ABHD3: variants seen among roughly 807,000 people sequenced by gnomAD.
ABHD3 encodes the protein abhydrolase domain containing 3, phospholipase.
In ABHD3, 46 loss-of-function variants were observed where a neutral mutation model predicts 48.8. The observed-to-expected ratio is 0.94, with a 90% confidence interval of 0.74 to 1.20. The LOEUF is 1.20. ABHD3 is among the 50% of genes most tolerant of loss of function. The pLI is 0.00. For synonymous variants in ABHD3, 192 were observed against 183.7 expected (o/e 1.04, Z -0.36); for missense variants, 490 against 497.8 (o/e 0.98, Z 0.15).
At chr18:21,676,414 CAG>C (rs1302135927) in intron 4 of ABHD3, among the ~76,000 whole-genome samples, 2 of 152,046 alleles carry the variant, frequency 1.3e-5, no homozygotes, top group Non-Finnish European at 2.9e-5. Flanking sequence ...TTTTTTAAGG[CAG>C]AGTCTTGCTC....
chr18:21,692,804 C>G (rs2040281624), intron 3 of ABHD3, among the ~76,000 whole-genome samples: 1 of 152,148 alleles, frequency 6.6e-6, no homozygotes, highest in South Asian at 2.1e-4. Context: ...AGCTGTGTCT[C>G]TTTGGTATTT....
At chr18:21,690,897 A>G (rs1273043531) in intron 3 of ABHD3, among the ~76,000 whole-genome samples, 3 of 148,790 alleles carry the variant, frequency 2.0e-5, no homozygotes, top group Non-Finnish European at 4.5e-5. Flanking sequence ...TGGGAGGCTG[A>G]GGCAGGAGAA....
At chr18:21,652,742 T>G (rs2039253813) in intron 8 of ABHD3, among the ~76,000 whole-genome samples, 1 of 148,012 alleles carries the variant, frequency 6.8e-6, no homozygotes, top group Non-Finnish European at 1.5e-5. Flanking sequence ...ACCTTTGTAC[T>G]CTAGCCTGGC....
At chr18:21,702,229 C>T (rs899849716) in intron 3 of ABHD3, 87 bp downstream of exon 3, 1 of 1,212,184 alleles carries the variant, frequency 8.2e-7, no homozygotes, top group African/African-American at 1.5e-5. Context: ...GCAAGAAGTA[C>T]TAAGTATTTC....
At chr18:21,691,179 A>G (rs147272563) in intron 3 of ABHD3, among the ~76,000 whole-genome samples, 3 of 152,284 alleles carry the variant, frequency 2.0e-5, no homozygotes, top group East Asian at 3.9e-4. Flanking sequence ...TCATGACAAG[A>G]GGTCAAGAAG....
chr18:21,677,961 C>A (rs1458190624), intron 4 of ABHD3, among the ~76,000 whole-genome samples: 3 of 151,852 alleles, frequency 2.0e-5, no homozygotes, highest in African/African-American at 7.3e-5. Flanking sequence ...CCGTGCCCAA[C>A]CTATTTTTAT....
At chr18:21,678,038 C>T (rs914556599) in intron 4 of ABHD3, among the ~76,000 whole-genome samples, 2 of 151,964 alleles carry the variant, frequency 1.3e-5, no homozygotes, top group Non-Finnish European at 2.9e-5. Context: ...TCACTGCAGC[C>T]TCAAACTCCT....
chr18:21,684,098 T>C, intron 3 of ABHD3, 133 bp from the exon 4 acceptor site: 1 of 731,658 alleles, frequency 1.4e-6, no homozygotes, highest in Non-Finnish European at 2.1e-6. Flanking sequence ...GTTGTAATGT[T>C]TGGCAATTTC....
At chr18:21,701,826 G>C (rs2040519883) in intron 3 of ABHD3, 5 of 152,210 alleles carry the variant, frequency 3.3e-5, no homozygotes, top group African/African-American at 1.2e-4. Context: ...AAACTCAGGT[G>C]GTCAGAAGAG....
At chr18:21,653,505 G>A (rs925855901) in intron 8 of ABHD3, among the ~76,000 whole-genome samples, 2 of 151,752 alleles carry the variant, frequency 1.3e-5, no homozygotes, top group African/African-American at 4.8e-5. Flanking sequence ...ATGCTTAGAG[G>A]TCAGTGAAAA....
chr18:21,660,130 T>TAAA (rs34163742), intron 5 of ABHD3, among the ~76,000 whole-genome samples: 1 of 122,354 alleles, frequency 8.2e-6, no homozygotes, highest in Non-Finnish European at 1.6e-5. Flanking sequence ...CACAGCTAAT[T>TAAA]AAAAAAAAAA....
chr18:21,691,798 C>T (rs2040257702), intron 3 of ABHD3, among the ~76,000 whole-genome samples: 1 of 152,174 alleles, frequency 6.6e-6, no homozygotes, highest in South Asian at 2.1e-4. Flanking sequence ...TATTAAGCAA[C>T]AATCATGGGA....
chr18:21,658,276 AT>A (rs1568136945), intron 6 of ABHD3, among the ~76,000 whole-genome samples: 8 of 152,184 alleles, frequency 5.3e-5, no homozygotes, highest in Non-Finnish European at 7.3e-5. Flanking sequence ...CAAAGATAGT[AT>A]TTTGGTAGTA....
chr18:21,658,693 T>C (rs1202013461), intron 6 of ABHD3, among the ~76,000 whole-genome samples: 2 of 152,190 alleles, frequency 1.3e-5, no homozygotes, highest in Non-Finnish European at 2.9e-5. Flanking sequence ...TATACTTACA[T>C]TTTTTATTTA....
chr18:21,673,320 T>G (rs1036147742), intron 4 of ABHD3, among the ~76,000 whole-genome samples: 3 of 152,084 alleles, frequency 2.0e-5, no homozygotes, highest in South Asian at 2.1e-4. Flanking sequence ...TGAGATGGAG[T>G]TTCGCTCTTG....
At chr18:21,661,102 T>TTAAA (rs746783850) in intron 5 of ABHD3, among the ~76,000 whole-genome samples, 4 of 57,224 alleles carry the variant, frequency 7.0e-5, no homozygotes, top group Non-Finnish European at 1.3e-4. Flanking sequence ...AACTACAAGC[T>TTAAA]AAAAAAAAAA....
chr18:21,682,986 T>C (rs1278821777), intron 4 of ABHD3: 1 of 152,206 alleles, frequency 6.6e-6, no homozygotes, highest in Non-Finnish European at 1.5e-5. Flanking sequence ...TGATCTTCAT[T>C]TCCTCCAGTG....
At chr18:21,659,433 G>A in intron 5 of ABHD3, 90 bp from the exon 6 acceptor site, 1 of 1,317,624 alleles carries the variant, frequency 7.6e-7, no homozygotes, top group Non-Finnish European at 1.0e-6. Context: ...TGTTAACTAT[G>A]GAGAAGAAAA....
At position 21,700,256 on chromosome 18, in the gene ABHD3, A is replaced by AT. The variant is rs573766211; in HGVS notation, c.509+2059dup. On this transcript the variant is annotated intron_variant, in intron 3 of 8. Coordinates refer to ENST00000289119, the MANE Select transcript of ABHD3 (RefSeq NM_138340.5). ...AAGCATGTGCCACCACACCTGTCTA[A>AT]TTTTTTTGTATTTTTAGTAGAAACA... 1.8e-3 allele frequency among the ~76,000 whole-genome samples: 268 copies of AT among 149,512 alleles called. 2 individuals are homozygous for AT. Among genetic ancestry groups the AT allele is most frequent in the South Asian group, 3.4e-3 (16 of 4,740 alleles).
Sources: allele counts gnomAD v4.1 joint callset (sites outside exome capture counted in the v4.1 genomes callset), GRCh38; gene constraint gnomAD v4.1.1; transcripts MANE v1.5; gene names NCBI Gene and HGNC (gene_info 2026-07-23, HGNC 2026-07-21).